CACNA1H: variants seen among roughly 807,000 people sequenced by gnomAD.
CACNA1H encodes the protein voltage-dependent T-type calcium channel subunit alpha-1H.
Under a neutral mutation model 192.5 loss-of-function variants are expected in CACNA1H, and 149 were observed. The observed-to-expected ratio is 0.77, with a 90% CI of 0.68 to 0.89. CACNA1H has a LOEUF of 0.89. CACNA1H is among the 40% of genes least tolerant of loss of function. CACNA1H has a pLI of 0.00. For missense variants in CACNA1H, 4,257 were observed against 3,423.5 expected (o/e 1.24, Z -6.08); for synonymous variants, 2,202 against 1,475.2 (o/e 1.49, Z -11.29).
rs767461657 is a variant in CACNA1H at position 1,220,392 on chromosome 16, T to A, written c.6460T>A (p.Trp2154Arg). 143 of 1,523,562 alleles carry A rather than the reference T, an allele frequency of 9.4e-5. No individual in the cohort carries two copies. In the Admixed American group the frequency reaches 9.5e-4, roughly 10 times the overall value. 94.4% of individuals were successfully genotyped at this position (1,523,562 alleles called of 1,614,324 possible). A position where few individuals can be genotyped will look rare whatever the true frequency, so the allele number is the denominator to read the frequency against. Residue 2154 changes from tryptophan to arginine, a missense_variant, in exon 35 of 35, where the codon TGG (tryptophan) becomes AGG (arginine). Transcript: ENST00000348261. ...LDKPGRADEQWRPSAELGSGE... is the reference protein window; with the variant it reads ...LDKPGRADEQRRPSAELGSGE... ...CAAGCCGGGCCGGGCAGACGAGCAGTGGCGGCCCTCGGCGGAGCTGGGCAG... is the reference window on the plus strand; with the variant it reads ...CAAGCCGGGCCGGGCAGACGAGCAGAGGCGGCCCTCGGCGGAGCTGGGCAG...
chr16:1,198,893 C>T (rs575860299), intron 6 of CACNA1H, 119 bp downstream of exon 6: 49 of 895,520 alleles, frequency 5.5e-5, no homozygotes, highest in Non-Finnish European at 6.8e-5. Context: ...TCACCCGCCC[C>T]GCCACTGCTG....
rs764731314 is a variant in CACNA1H, at chr16:1,210,559, C to T, written c.3970-24C>T. 6.0e-5 allele frequency: 96 copies of T among 1,609,630 alleles called. No homozygotes were observed. The South Asian group carries it at 7.0e-4, about 12-fold the overall frequency. On this transcript the variant is annotated intron_variant, in intron 19 of 34. Transcript: ENST00000348261. ...CCAGGGAGGGGTGGAGTGGACACAG[C>T]CCCCCACCGTCCTCTCCCGGCAGGA...
At chr16:1,183,819 C>T (rs941511945) in intron 2 of CACNA1H, among the ~76,000 whole-genome samples, 2 of 152,258 alleles carry the variant, frequency 1.3e-5, no homozygotes, top group South Asian at 2.1e-4. Flanking sequence ...GGGTCTGTCC[C>T]GTCCCACCTG....
intron 20 of CACNA1H, 44 bp from the exon 21 acceptor site, chr16:1,210,743 C>T (rs1434555268): frequency 2.5e-6 from 4 of 1,590,178 alleles, no homozygotes; most frequent in African/African-American, 2.7e-5. Context: ...CTCCCCAGAC[C>T]CCCCACGCCT....
At chr16:1,154,440 C>A (rs987908376) in intron 2 of CACNA1H, among the ~76,000 whole-genome samples, 14 of 152,236 alleles carry the variant, frequency 9.2e-5, no homozygotes, top group Middle Eastern at 3.4e-3. Context: ...CGAGGCAGGC[C>A]CCTCGCGGGG....
In CACNA1H at chr16:1,212,548, TG is replaced by T; in HGVS notation, c.4777+21del. Reference sequence around the variant, plus strand: ...GCCCAGGTACCGGCCCTGTCCCGCATGCCTCAGGCCCCGCTTCTGCGGCCGC... The same window carrying T: ...GCCCAGGTACCGGCCCTGTCCCGCATCCTCAGGCCCCGCTTCTGCGGCCGC... On this transcript the variant is annotated intron_variant, in intron 26 of 34. Coordinates refer to ENST00000348261, the MANE Select transcript of CACNA1H (RefSeq NM_021098.3). The T allele has an allele frequency of 6.2e-7, 1 of 1,608,786 alleles. No homozygotes were observed. Among genetic ancestry groups the T allele is most frequent in the Non-Finnish European group, 8.5e-7 (1 of 1,178,318 alleles).
intron 11 of CACNA1H, among the ~76,000 whole-genome samples, chr16:1,205,664 A>G (rs905736226): frequency 1.3e-5 from 2 of 152,224 alleles, no homozygotes; most frequent in Admixed American, 1.3e-4. Context: ...TAAACCAGAA[A>G]GGATTGGGAA....
chr16:1,209,095 TCCAGCTGGAGCAGCCTGGGCCGTGCCC>T lies in CACNA1H; in HGVS notation c.3433_3459del (p.Trp1145_Ser1153del). 1 of 1,548,046 alleles carries T rather than the reference TCCAGCTGGAGCAGCCTGGGCCGTGCCC, an allele frequency of 6.5e-7. No homozygotes were observed. Among genetic ancestry groups the T allele is most frequent in the Non-Finnish European group, 8.7e-7 (1 of 1,149,818 alleles). ...CAGTGGCGCCTGGAGCAGCCGGCGC[TCCAGCTGGAGCAGCCTGGGCCGTGCCC>T]CCAGCCTCAAGCGCCGCGGCCAGTG... On this transcript the variant is annotated inframe_deletion, in exon 17 of 35. Coordinates refer to ENST00000348261, the MANE Select transcript of CACNA1H (RefSeq NM_021098.3).
Position 1,211,572 on chromosome 16 carries a change from T to C in CACNA1H, c.4442T>C (p.Val1481Ala). The stretch of plus-strand genomic sequence containing the variant: ...TGCCGGGCCGCCCACTACCGCTGGG[T>C]GCGACGCAAGTACAACTTCGACAAC... ...AQCRAAHYRW[V>A]RRKYNFDNLG... is the part of the protein sequence containing the mutation. Residue 1481 changes from valine to alanine, a missense_variant, in exon 23 of 35, where the codon GTG becomes GCG. Physicochemically the swap from Val to Ala is moderately conservative, Grantham distance 64. Coordinates refer to ENST00000348261, the MANE Select transcript of CACNA1H (RefSeq NM_021098.3). The C allele has an allele frequency of 1.2e-6, 2 of 1,610,906 alleles. No individual in the cohort carries two copies. The highest frequency in any genetic ancestry group is 1.7e-6 in the Non-Finnish European group (2 of 1,179,130).
Position 1,207,300 on chromosome 16 carries a change from T to C in CACNA1H, c.2933T>C (p.Val978Ala), listed in dbSNP as rs776860363. Residue 978 changes from valine to alanine, a missense_variant, in exon 14 of 35, where the codon GTG (valine) becomes GCG (alanine). Physicochemically the swap from Val to Ala is moderately conservative, Grantham distance 64. Transcript: ENST00000348261. ...ATCCTGACCCAGGAGGACTGGAACG[T>C]GGTCCTGTACAACGGCATGGCCTCC... Reference protein sequence around the residue: ...FQILTQEDWNVVLYNGMASTS... With the variant: ...FQILTQEDWNAVLYNGMASTS... 8 of 1,610,146 alleles carry C rather than the reference T, an allele frequency of 5.0e-6. No homozygotes were observed. The Admixed American group carries it at 1.2e-4, about 24-fold the overall frequency.
chr16:1,219,283 G>C (rs527893149), intron 34 of CACNA1H, among the ~76,000 whole-genome samples, 153 bp downstream of exon 34: 7 of 152,198 alleles, frequency 4.6e-5, no homozygotes, highest in African/African-American at 1.7e-4. Flanking sequence ...CCTGCTGCTT[G>C]GTGGATCTTG....
chr16:1,168,598 C>G (rs774283445), intron 2 of CACNA1H, among the ~76,000 whole-genome samples: 1 of 152,016 alleles, frequency 6.6e-6, no homozygotes, highest in African/African-American at 2.4e-5. Context: ...GGTTGATGAT[C>G]CAGTGTGTCT....
Position 1,212,580 on chromosome 16 carries a change from G to A in CACNA1H, c.4777+52G>A, listed in dbSNP as rs187925309. ...GGCCCCGCTTCTGCGGCCGCTGCTC[G>A]GGGAAGGGCGGGCATCCCAGGCCTG... On this transcript the variant is annotated intron_variant, in intron 26 of 34. Transcript: ENST00000348261. The A allele has an allele frequency of 5.1e-4, 803 of 1,579,924 alleles. 5 individuals are homozygous for A. The highest frequency in any genetic ancestry group is 1.2e-4 in the African/African-American group (9 of 74,106).
chr16:1,218,107 G>A (rs998714586), intron 32 of CACNA1H, 67 bp downstream of exon 32: 7 of 1,554,802 alleles, frequency 4.5e-6, no homozygotes, highest in East Asian at 2.4e-5. Flanking sequence ...TCCCAGGAAC[G>A]GGTCGGATCC....
In CACNA1H at chr16:1,215,433, A is replaced by G. The variant is rs1182464247; in HGVS notation, c.5173+58A>G. 1.8e-4 allele frequency: 110 copies of G among 622,524 alleles called. No individual in the cohort carries two copies. The East Asian group carries it at 5.7e-3, about 32-fold the overall frequency. 38.6% of individuals were successfully genotyped at this position (622,524 alleles called of 1,614,324 possible). A position where few individuals can be genotyped will look rare whatever the true frequency, so the allele number is the denominator to read the frequency against. On this transcript the variant is annotated intron_variant, in intron 29 of 34. Coordinates refer to ENST00000348261, the MANE Select transcript of CACNA1H (RefSeq NM_021098.3). ...GCGGGTGGAGGGTGGGGGCTCAGCC[A>G]TGGGTGGGAGTGAGGGGCGGGGCGG...
chr16:1,217,715 C>T (rs1970146448), intron 31 of CACNA1H, among the ~76,000 whole-genome samples: 1 of 152,046 alleles, frequency 6.6e-6, no homozygotes, highest in South Asian at 2.1e-4. Context: ...CCAGGTGCGG[C>T]AGCAGGGGCC....
chr16:1,220,065 C>A lies in CACNA1H; in HGVS notation c.6133C>A (p.Pro2045Thr). The A allele has an allele frequency of 7.0e-7, 1 of 1,433,698 alleles. No homozygotes were observed. Among genetic ancestry groups the A allele is most frequent in the East Asian group, 2.8e-5 (1 of 36,286 alleles). The allele number at this position is 1,433,698 out of a possible 1,614,324, so 88.8% of individuals were successfully genotyped here. A position where few individuals can be genotyped will look rare whatever the true frequency, so the allele number is the denominator to read the frequency against. ...LDPAEPGEKT[P>T]VRPVTQGGSL... ...TCCTGCAGAGCCTGGTGAGAAAACCCCGGTGAGGCCGGTGACCCAGGGGGG... is the reference window on the plus strand; with the variant it reads ...TCCTGCAGAGCCTGGTGAGAAAACCACGGTGAGGCCGGTGACCCAGGGGGG... Residue 2045 changes from proline to threonine, a missense_variant, in exon 35 of 35, where the codon CCG (proline) becomes ACG (threonine). Coordinates refer to ENST00000348261, the MANE Select transcript of CACNA1H (RefSeq NM_021098.3).
At chr16:1,175,347 A>G (rs529054058) in intron 2 of CACNA1H, among the ~76,000 whole-genome samples, 1 of 152,232 alleles carries the variant, frequency 6.6e-6, no homozygotes, top group Non-Finnish European at 1.5e-5. Context: ...CCTTCCCCGC[A>G]GGTCCCTTTG....
In CACNA1H at chr16:1,211,487, A is replaced by G; in HGVS notation, c.4357A>G (p.Lys1453Glu). ...IFGILGVQLF[K>E]GKFYYCEGPD... ...GACCGTCGCACCCCGTCAGCTCTTC[A>G]AAGGGAAGTTCTACTACTGCGAGGG... The change falls in exon 23 of 35, where the codon AAA becomes GAA. Residue 1453 changes from lysine (K) to glutamate (E), a missense_variant. Transcript: ENST00000348261. 1 of 1,612,404 alleles carries G rather than the reference A, an allele frequency of 6.2e-7. No individual in the cohort carries two copies. The highest frequency in any genetic ancestry group is 8.5e-7 in the Non-Finnish European group (1 of 1,179,690).
Sources: allele counts gnomAD v4.1 joint callset (sites outside exome capture counted in the v4.1 genomes callset), GRCh38; gene constraint gnomAD v4.1.1; transcripts MANE v1.5; gene names NCBI Gene and HGNC (gene_info 2026-07-23, HGNC 2026-07-21).